The following EPS15L1 variants were observed in gnomAD, a reference collection of about 807,000 sequenced individuals.
The protein encoded by EPS15L1 is epidermal growth factor receptor substrate 15-like 1.
In EPS15L1, 43 loss-of-function variants were observed where a neutral mutation model predicts 117.1. The ratio of observed to expected loss-of-function variants is 0.37; its 90% confidence interval spans 0.29 to 0.47. The LOEUF is 0.47. EPS15L1 is among the 20% of genes least tolerant of loss of function. EPS15L1 has a pLI of 0.99. For missense variants in EPS15L1, 981 were observed against 1,164.0 expected, an observed-to-expected ratio of 0.84 and a Z score of 2.29; for synonymous variants, 459 against 470.5, an observed-to-expected ratio of 0.98 and a Z score of 0.32.
rs1275164714 is a variant in EPS15L1, at chr19:16,404,274, C to T, written c.1428+314G>A. On this transcript the variant is annotated intron_variant, in intron 14 of 23. Coordinates refer to ENST00000455140, the MANE Select transcript of EPS15L1 (RefSeq NM_001258374.3). This position sits in a 1 kb window ranked among gnomAD's most constrained non-coding sequence, Gnocchi z 4.2. ...CGGGATCTGTGAGGAGCCTCAGAGACACCTGAGGAGGGGACACAGGCACCC... is the reference window on the plus strand; with the variant it reads ...CGGGATCTGTGAGGAGCCTCAGAGATACCTGAGGAGGGGACACAGGCACCC... Among the ~76,000 whole-genome samples, 3 of 152,214 alleles carry T rather than the reference C, an allele frequency of 2.0e-5. No homozygotes were observed. The highest frequency in any genetic ancestry group is 4.4e-5 in the Non-Finnish European group (3 of 68,042).
intron 12 of EPS15L1, among the ~76,000 whole-genome samples, chr19:16,416,772 C>G (rs1274408404): frequency 6.6e-6 from 1 of 152,088 alleles, no homozygotes; most frequent in Non-Finnish European, 1.5e-5. Context: ...TACGCTCCAG[C>G]TTGGGTGACA....
chr19:16,407,431 G>A (rs553462395), intron 13 of EPS15L1, among the ~76,000 whole-genome samples: 50 of 152,184 alleles, frequency 3.3e-4, no homozygotes, highest in Middle Eastern at 3.4e-3. Flanking sequence ...TCAGTCTCCC[G>A]AGTAGCTGGG....
At chr19:16,417,095 C>A (rs1425455054) in intron 12 of EPS15L1, among the ~76,000 whole-genome samples, 1 of 152,238 alleles carries the variant, frequency 6.6e-6, no homozygotes, top group Non-Finnish European at 1.5e-5. Flanking sequence ...ATGCCTGGGG[C>A]TACTGAGCTG....
chr19:16,402,201 C>T, intron 16 of EPS15L1, 120 bp downstream of exon 16: 11 of 1,469,108 alleles, frequency 7.5e-6, no homozygotes, highest in Middle Eastern at 2.2e-4. Context: ...AAACAACAGA[C>T]AGCCGCCTGC....
chr19:16,361,300 G>A (rs1261582386), intron 23 of EPS15L1, among the ~76,000 whole-genome samples: 1 of 151,646 alleles, frequency 6.6e-6, no homozygotes, highest in Non-Finnish European at 1.5e-5. Context: ...GGCGCGATCT[G>A]CCTGAAGTCC....
At chr19:16,392,563 G>A (rs1010894925) in intron 18 of EPS15L1, 123 bp from the exon 19 acceptor site, 68 of 960,062 alleles carry the variant, frequency 7.1e-5, no homozygotes, top group Non-Finnish European at 9.6e-5. Flanking sequence ...CGCTAGTGAC[G>A]GAAAACAGGA....
chr19:16,385,075 C>G, intron 21 of EPS15L1, 54 bp downstream of exon 21: 1 of 1,392,586 alleles, frequency 7.2e-7, no homozygotes, highest in South Asian at 1.2e-5. Flanking sequence ...CACACCATGA[C>G]AAGAGGCACA....
chr19:16,446,152 G>A (rs1466621907), intron 1 of EPS15L1, among the ~76,000 whole-genome samples: 1 of 152,126 alleles, frequency 6.6e-6, no homozygotes, highest in Admixed American at 6.5e-5. Flanking sequence ...TTAAAACACC[G>A]CAATTCACAC....
chr19:16,448,287 T>G (rs1208528256), intron 1 of EPS15L1, among the ~76,000 whole-genome samples: 1 of 152,008 alleles, frequency 6.6e-6, no homozygotes, highest in African/African-American at 2.4e-5. Flanking sequence ...TCCCAGCACT[T>G]TGGGAGGCCG....
At chr19:16,398,043 A>G (rs867576144) in intron 16 of EPS15L1, among the ~76,000 whole-genome samples, 13 of 152,228 alleles carry the variant, frequency 8.5e-5, no homozygotes, top group African/African-American at 3.1e-4. Flanking sequence ...AAATAGGGAC[A>G]ATGGTGTGGG....
At chr19:16,409,556 G>C (rs1342113193) in intron 13 of EPS15L1, among the ~76,000 whole-genome samples, 1 of 152,194 alleles carries the variant, frequency 6.6e-6, no homozygotes, top group Non-Finnish European at 1.5e-5. Context: ...AGACAATCCA[G>C]AGTGGACTCT....
Position 16,471,777 on chromosome 19 carries a change from C to A in EPS15L1, c.33+136G>T. The A allele has an allele frequency of 3.5e-6, 1 of 282,824 alleles. No individual in the cohort carries two copies. Among genetic ancestry groups the A allele is most frequent in the Non-Finnish European group, 6.2e-6 (1 of 160,488 alleles). 17.5% of individuals were successfully genotyped at this position (282,824 alleles called of 1,614,324 possible). A position where few individuals can be genotyped will look rare whatever the true frequency, so the allele number is the denominator to read the frequency against. ...TGTCACCTTCAGGGCCGCCTGCCCACCCGCCCGCCGCAAGCCCTTCAGCAC... is the reference window on the plus strand; with the variant it reads ...TGTCACCTTCAGGGCCGCCTGCCCAACCGCCCGCCGCAAGCCCTTCAGCAC... On this transcript the variant is annotated intron_variant, in intron 1 of 23. Coordinates refer to ENST00000455140, the MANE Select transcript of EPS15L1 (RefSeq NM_001258374.3). This position sits in a 1 kb window ranked among gnomAD's most constrained non-coding sequence, Gnocchi z 4.8.
At chr19:16,382,303 C>T (rs145931807) in intron 21 of EPS15L1, among the ~76,000 whole-genome samples, 1 of 152,346 alleles carries the variant, frequency 6.6e-6, no homozygotes, top group East Asian at 1.9e-4. Context: ...TCCCAAGAAG[C>T]CTCCTTGGGG....
intron 10 of EPS15L1, among the ~76,000 whole-genome samples, chr19:16,419,098 C>T (rs1452958157): frequency 2.0e-5 from 3 of 152,232 alleles, no homozygotes; most frequent in Non-Finnish European, 4.4e-5. Flanking sequence ...GCCAAGGCAG[C>T]ATCTGAATAG....
chr19:16,400,356 C>CAAAAAAAAAAAAAAAAAAAAAA (rs377693014), intron 16 of EPS15L1, among the ~76,000 whole-genome samples: 1 of 122,942 alleles, frequency 8.1e-6, no homozygotes. Flanking sequence ...AAAACAAAAA[C>CAAAAAAAAAAAAAAAAAAAAAA]AAAAAAAAAA....
In EPS15L1 at chr19:16,428,107, A is replaced by G. The variant is rs570652875; in HGVS notation, c.558+595T>C. 1.7e-4 allele frequency among the ~76,000 whole-genome samples: 25 copies of G among 151,126 alleles called. 1 individual carries two copies. Among genetic ancestry groups the G allele is most frequent in the Non-Finnish European group, 3.5e-4 (24 of 67,856 alleles). ...TCCCAGCTACTTGGGAGGCTGAGGCAAGAGAACTGCTTGAACCTGGGAGGC... is the reference window on the plus strand; with the variant it reads ...TCCCAGCTACTTGGGAGGCTGAGGCGAGAGAACTGCTTGAACCTGGGAGGC... On this transcript the variant is annotated intron_variant, in intron 8 of 23. Coordinates refer to ENST00000455140, the MANE Select transcript of EPS15L1 (RefSeq NM_001258374.3).
chr19:16,469,692 T>C (rs904230730), intron 1 of EPS15L1, among the ~76,000 whole-genome samples: 1 of 151,710 alleles, frequency 6.6e-6, no homozygotes, highest in Admixed American at 6.6e-5. Context: ...GGAGTGGGGG[T>C]GGAGAAAACA....
At chr19:16,426,368 C>T (rs146720928) in intron 8 of EPS15L1, among the ~76,000 whole-genome samples, 35 of 152,336 alleles carry the variant, frequency 2.3e-4, no homozygotes, top group African/African-American at 7.9e-4. Context: ...GGCATGGTGG[C>T]TCATGCCTGT....
chr19:16,406,245 C>T (rs567776371), intron 13 of EPS15L1, among the ~76,000 whole-genome samples: 3 of 152,276 alleles, frequency 2.0e-5, no homozygotes, highest in South Asian at 2.1e-4. Context: ...CTGGGGTCTC[C>T]GTTCCCCAGT....
Sources: allele counts gnomAD v4.1 joint callset (sites outside exome capture counted in the v4.1 genomes callset), GRCh38; gene constraint gnomAD v4.1.1; non-coding constraint Gnocchi (gnomAD v3.1); transcripts MANE v1.5; gene names NCBI Gene and HGNC (gene_info 2026-07-23, HGNC 2026-07-21).